CPLANE1: variants seen among roughly 807,000 people sequenced by gnomAD.
CPLANE1 encodes ciliogenesis and planar polarity effector complex subunit 1.
A neutral mutation model predicts 362.5 loss-of-function variants in CPLANE1; 263 were observed. The ratio of observed to expected loss-of-function variants is 0.73; its 90% CI spans 0.66 to 0.80. The LOEUF (loss-of-function observed/expected upper bound fraction) is 0.80. Among genes scored for constraint, CPLANE1 ranks in the 30% least tolerant of loss-of-function variants. The pLI, the probability that CPLANE1 is intolerant of heterozygous loss-of-function variation, is 0.00. For missense variants in CPLANE1, 3,461 were observed against 3,793.4 expected, an observed-to-expected ratio of 0.91 and a Z score of 2.30; for synonymous variants, 1,212 against 1,302.6, an observed-to-expected ratio of 0.93 and a Z score of 1.50.
At chr5:37,212,774 A>G (rs185401962) in intron 16 of CPLANE1, among the ~76,000 whole-genome samples, 17 of 152,368 alleles carry the variant, frequency 1.1e-4, no homozygotes, top group South Asian at 2.1e-4. Flanking sequence ...AATCATCCAA[A>G]TAACATTAAA....
intron 8 of CPLANE1, among the ~76,000 whole-genome samples, chr5:37,235,927 C>T (rs1203319676): frequency 4.1e-5 from 6 of 145,600 alleles, no homozygotes; most frequent in South Asian, 2.2e-4. Context: ...TGGAGTGCAA[C>T]GGTGCAATCT....
At chr5:37,127,367 C>T (rs1026404961) in intron 46 of CPLANE1, among the ~76,000 whole-genome samples, 2 of 152,150 alleles carry the variant, frequency 1.3e-5, no homozygotes, top group African/African-American at 2.4e-5. Flanking sequence ...CCCTTTCAGG[C>T]ATTTCTCCAA....
intron 9 of CPLANE1, among the ~76,000 whole-genome samples, chr5:37,230,100 C>T (rs1452262128): frequency 1.3e-5 from 2 of 149,762 alleles, no homozygotes; most frequent in South Asian, 2.1e-4. Context: ...CGCTTGAACC[C>T]GGGAGAGGGG....
At position 37,210,803 on chromosome 5, in the gene CPLANE1, G is replaced by A. The variant is rs61735522; in HGVS notation, c.2920+2756C>T. 4,283 of 1,121,536 alleles carry A rather than the reference G, an allele frequency of 3.8e-3. 121 individuals carry two copies. The African/African-American group carries it at 0.059, about 16-fold the overall frequency. 69.5% of individuals were successfully genotyped at this position (1,121,536 alleles called of 1,614,324 possible). ...TAGCTCAGCTGGCTCCTGAACTTGC[G>A]GTCTTTCAGAAAGAACTAAGGAGAG... is the stretch of plus-strand genomic sequence containing the variant. On this transcript the variant is annotated intron_variant, in intron 16 of 52. Coordinates refer to ENST00000651892, the MANE Select transcript of CPLANE1 (RefSeq NM_001384732.1).
chr5:37,157,592 G>A, intron 40 of CPLANE1, 78 bp downstream of exon 40: 3 of 1,271,298 alleles, frequency 2.4e-6, no homozygotes, highest in Middle Eastern at 2.3e-4. Context: ...GGAGAGGTAA[G>A]AGATGTGAGT....
chr5:37,087,557 A>C, the CPLANE1 span, among the ~76,000 whole-genome samples: 1 of 152,160 alleles, frequency 6.6e-6, no homozygotes, highest in Non-Finnish European at 1.5e-5. Flanking sequence ...CCTGGGTTCA[A>C]ACCATTCTCC....
At chr5:37,083,743 A>G in the CPLANE1 span, among the ~76,000 whole-genome samples, 3 of 152,236 alleles carry the variant, frequency 2.0e-5, no homozygotes, top group Non-Finnish European at 4.4e-5. Context: ...AAAATAAGAA[A>G]TGTGAACAAA....
chr5:37,124,696 G>A (rs574671274), intron 47 of CPLANE1, among the ~76,000 whole-genome samples: 1 of 152,182 alleles, frequency 6.6e-6, no homozygotes, highest in Admixed American at 6.5e-5. Flanking sequence ...GGGACTACAG[G>A]TGTGTGCTAC....
the CPLANE1 span, among the ~76,000 whole-genome samples, chr5:37,094,035 G>A: frequency 1.3e-5 from 2 of 152,160 alleles, no homozygotes; most frequent in African/African-American, 4.8e-5. Context: ...GGGGGCAGGA[G>A]TGGAAGGAGA....
At chr5:37,078,917 ATTTG>A in the CPLANE1 span, among the ~76,000 whole-genome samples, 14 of 151,870 alleles carry the variant, frequency 9.2e-5, no homozygotes, top group African/African-American at 3.4e-4. Flanking sequence ...TTTCTTGTAA[ATTTG>A]TTTAAGTTAT....
chr5:37,160,500 T>A (rs1242940750), intron 38 of CPLANE1, among the ~76,000 whole-genome samples: 1 of 150,420 alleles, frequency 6.6e-6, no homozygotes, highest in Non-Finnish European at 1.5e-5. Context: ...GCGGAGGCAA[T>A]CTTGAGCCAA....
Position 37,206,408 on chromosome 5 carries a change from T to TA in CPLANE1, c.2937dup (p.Ile980TyrfsTer7), listed in dbSNP as rs1561601398. ...GCCACCTTAGAGTGTTGCAGAGGAA[T>TA]AAGTCGAAAGGACTGCTCTGTGAGT... On this transcript the variant is annotated frameshift_variant, in exon 17 of 53. Coordinates refer to ENST00000651892, the MANE Select transcript of CPLANE1 (RefSeq NM_001384732.1). The TA allele has an allele frequency of 2.1e-5, 32 of 1,551,112 alleles. No individual in the cohort carries two copies. Among genetic ancestry groups the TA allele is most frequent in the Non-Finnish European group, 2.6e-5 (30 of 1,146,540 alleles).
the CPLANE1 span, among the ~76,000 whole-genome samples, chr5:37,080,257 G>A: frequency 2.6e-5 from 4 of 152,232 alleles, no homozygotes; most frequent in Non-Finnish European, 5.9e-5. Context: ...TAAGTCACAT[G>A]AATGCCTGGC....
intron 34 of CPLANE1, among the ~76,000 whole-genome samples, chr5:37,168,299 A>C (rs1406316575): frequency 6.6e-6 from 1 of 152,208 alleles, no homozygotes; most frequent in African/African-American, 2.4e-5. Flanking sequence ...ACCTCAAACA[A>C]TATGTGTGCT....
chr5:37,170,841 C>A (rs1446601625), intron 32 of CPLANE1, among the ~76,000 whole-genome samples: 1 of 152,178 alleles, frequency 6.6e-6, no homozygotes, highest in Non-Finnish European at 1.5e-5. Flanking sequence ...GAAGCTGAGG[C>A]AGGAGAATCG....
the CPLANE1 span, among the ~76,000 whole-genome samples, chr5:37,077,895 T>G: frequency 6.6e-6 from 1 of 151,978 alleles, no homozygotes; most frequent in Admixed American, 6.6e-5. Context: ...GGATTACAGG[T>G]GTAAACCGCC....
intron 47 of CPLANE1, among the ~76,000 whole-genome samples, chr5:37,123,232 G>T (rs750569936): frequency 1.3e-5 from 2 of 152,182 alleles, no homozygotes; most frequent in East Asian, 1.9e-4. Context: ...AGACACATAC[G>T]TATTATTCCA....
intron 51 of CPLANE1, among the ~76,000 whole-genome samples, chr5:37,108,827 T>A (rs78177094): frequency 0.012 from 1,820 of 152,338 alleles, 33 homozygotes; most frequent in African/African-American, 0.042. Flanking sequence ...GAAAGTCTTG[T>A]GAAAACTTCT....
At chr5:37,141,582 A>G in intron 44 of CPLANE1, 1 of 957,750 alleles carries the variant, frequency 1.0e-6, no homozygotes. Flanking sequence ...CATTTAAAAT[A>G]GCATTTTTAC....
Sources: gnomAD v4.1 joint callset for allele counts (sites outside exome capture counted in the v4.1 genomes callset) on GRCh38, gnomAD v4.1.1 for gene constraint, MANE v1.5 for transcripts, NCBI Gene and HGNC (gene_info 2026-07-23, HGNC 2026-07-21) for gene names.